Variants in DUSP1 observed in about 807,000 individuals in gnomAD.
The protein encoded by DUSP1 is dual specificity phosphatase 1, also known as dual specificity protein phosphatase 1.
Under a neutral mutation model 27.4 loss-of-function variants are expected in DUSP1, and 10 were observed. That is an observed-to-expected ratio of 0.37 (90% confidence interval 0.23 to 0.62). The LOEUF (loss-of-function observed/expected upper bound fraction) is 0.62, where lower values mean the gene tolerates loss of function less well. Among genes scored for constraint, DUSP1 ranks in the 20% least tolerant of loss-of-function variants. The pLI, the probability that DUSP1 is intolerant of heterozygous loss-of-function variation, is 0.68. For synonymous variants in DUSP1, 262 were observed against 223.6 expected (o/e 1.17, Z -1.53); for missense variants, 425 against 508.1 (o/e 0.84, Z 1.57).
chr5:172,768,554 A>G lies in DUSP1; in HGVS notation c.*208T>C, dbSNP rs1759826614. On this transcript the variant is annotated 3_prime_UTR_variant, in exon 4 of 4. Coordinates refer to ENST00000239223, the MANE Select transcript of DUSP1 (RefSeq NM_004417.4). ...TTTGTCAGATGGACTTGATGTACCC[A>G]CTATATATTGGTCCCGAATGTGCTG... is the stretch of plus-strand genomic sequence containing the variant. 7.7e-6 allele frequency: 4 copies of G among 518,176 alleles called. No individual in the cohort carries two copies. Among genetic ancestry groups the G allele is most frequent in the Non-Finnish European group, 1.2e-5 (4 of 331,108 alleles). The allele number at this position is 518,176 out of a possible 1,614,324, so 32.1% of individuals were successfully genotyped here.
In DUSP1 at chr5:172,770,157, T is replaced by C; in HGVS notation, c.513+4A>G. On this transcript the variant is annotated splice_donor_region_variant and intron_variant, in intron 2 of 3. Coordinates refer to ENST00000239223, the MANE Select transcript of DUSP1 (RefSeq NM_004417.4). ...TCTTCCCTGTGGCAGGGACACCTAC[T>C]AACCTGATCGTAGAGTGGGGTACTG... The C allele has an allele frequency of 1.3e-6, 2 of 1,573,972 alleles. No homozygotes were observed. Among genetic ancestry groups the C allele is most frequent in the South Asian group, 1.2e-5 (1 of 85,106 alleles).
At chr5:172,770,081 T>C in intron 2 of DUSP1, 80 bp downstream of exon 2, 1 of 1,510,486 alleles carries the variant, frequency 6.6e-7, no homozygotes, top group Non-Finnish European at 8.8e-7. Context: ...TGCAGGTCAC[T>C]TTCTATATTC....
At position 172,770,691 on chromosome 5, in the gene DUSP1, C is replaced by T. The variant is rs1759876761; in HGVS notation, c.262G>A (p.Glu88Lys). The T allele has an allele frequency of 5.8e-6, 8 of 1,367,562 alleles. No individual in the cohort carries two copies. The highest frequency in any genetic ancestry group is 7.5e-6 in the Non-Finnish European group (8 of 1,064,500). The allele number at this position is 1,367,562 out of a possible 1,614,324, so 84.7% of individuals were successfully genotyped here. The change falls in exon 1 of 4, where the codon GAG (glutamate) becomes AAG (lysine). Residue 88 changes from glutamate (E) to lysine (K), a missense_variant. By Grantham distance (56) the Glu-to-Lys change is moderately conservative. This residue lies in a region of DUSP1 where 282 missense variants were observed against 319.3 expected (regional missense o/e 0.88). Coordinates refer to ENST00000239223, the MANE Select transcript of DUSP1 (RefSeq NM_004417.4). Reference sequence around the variant, plus strand: ...GCGCCGTCCAGGGCGGCGCTGCGCTCGTCCAGCAACACCACGGCGTGGTAG... The same window carrying T: ...GCGCCGTCCAGGGCGGCGCTGCGCTTGTCCAGCAACACCACGGCGTGGTAG... ...GAYHAVVLLD[E>K]RSAALDGAKR...
Position 172,770,841 on chromosome 5 carries a change from C to A in DUSP1, c.112G>T (p.Gly38Cys), listed in dbSNP as rs993932679. The change falls in exon 1 of 4, where the codon GGC (glycine) becomes TGC (cysteine). Residue 38 changes from glycine to cysteine, a missense_variant. Gly to Cys is a radical substitution (Grantham distance 159). Transcript: ENST00000239223. ...ACGTTGACAGAGCCGGCGATGTGGCCGGCGTTGAAAGCGAAGAAGGAGCGG... is the reference window on the plus strand; with the variant it reads ...ACGTTGACAGAGCCGGCGATGTGGCAGGCGTTGAAAGCGAAGAAGGAGCGG... ...DCRSFFAFNA[G>C]HIAGSVNVRF... The A allele has an allele frequency of 6.5e-7, 1 of 1,529,092 alleles. No individual in the cohort carries two copies. The allele number at this position is 1,529,092 out of a possible 1,614,324, so 94.7% of individuals were successfully genotyped here.
rs1371749501 is a variant in DUSP1, at chr5:172,768,162, T to G, written c.*600A>C. ...GTCATCCTTATGTAACAAAATGTCT[T>G]CTTAGAAGAAGAAATATATTATTTC... On this transcript the variant is annotated 3_prime_UTR_variant, in exon 4 of 4. Coordinates refer to ENST00000239223, the MANE Select transcript of DUSP1 (RefSeq NM_004417.4). The G allele has an allele frequency of 6.6e-6, 1 of 152,614 alleles. No individual in the cohort carries two copies. Among genetic ancestry groups the G allele is most frequent in the African/African-American group, 2.4e-5 (1 of 41,428 alleles). The allele number at this position is 152,614 out of a possible 1,614,324, so 9.5% of individuals were successfully genotyped here.
chr5:172,768,680 C>T lies in DUSP1; in HGVS notation c.*82G>A, dbSNP rs1759828769. 3.5e-6 allele frequency: 5 copies of T among 1,440,162 alleles called. No individual in the cohort carries two copies. Among genetic ancestry groups the T allele is most frequent in the Non-Finnish European group, 4.6e-6 (5 of 1,092,726 alleles). 89.2% of individuals were successfully genotyped at this position (1,440,162 alleles called of 1,614,324 possible). A position where few individuals can be genotyped will look rare whatever the true frequency, so the allele number is the denominator to read the frequency against. ...TAAATAAGGACCAGCCCTCTCGAGC[C>T]CCTCCCAGAGTTATTGCATTTCTCC... On this transcript the variant is annotated 3_prime_UTR_variant, in exon 4 of 4. Transcript: ENST00000239223.
chr5:172,768,620 G>T lies in DUSP1; in HGVS notation c.*142C>A. On this transcript the variant is annotated 3_prime_UTR_variant, in exon 4 of 4. Transcript: ENST00000239223. Reference sequence around the variant, plus strand: ...TTGACGCTAAGTCATCACCATAACTGCTTAGAAACCCAGAGGAACTCGGGT... The same window carrying T: ...TTGACGCTAAGTCATCACCATAACTTCTTAGAAACCCAGAGGAACTCGGGT... The T allele has an allele frequency of 1.7e-6, 2 of 1,195,476 alleles. No individual in the cohort carries two copies. The highest frequency in any genetic ancestry group is 2.3e-5 in the South Asian group (1 of 43,330). The allele number at this position is 1,195,476 out of a possible 1,614,324, so 74.1% of individuals were successfully genotyped here.
In DUSP1 at chr5:172,769,787, G is replaced by A. The variant is rs748817760; in HGVS notation, c.521C>T (p.Pro174Leu). ...CSTPLYDQGG[P>L]VEILPFLYLG... ...GTACAGAAAGGGCAGGATTTCCACCGGGCCACCCTGAAATCCAGAAATATC... is the reference window on the plus strand; with the variant it reads ...GTACAGAAAGGGCAGGATTTCCACCAGGCCACCCTGAAATCCAGAAATATC... The change falls in exon 3 of 4, where the codon CCG becomes CTG. Residue 174 changes from proline to leucine, a missense_variant. Pro to Leu is a moderately conservative substitution (Grantham distance 98). This residue lies in a region of DUSP1 where 282 missense variants were observed against 319.3 expected (regional missense o/e 0.88). Transcript: ENST00000239223. 6 of 1,613,624 alleles carry A rather than the reference G, an allele frequency of 3.7e-6. No individual in the cohort carries two copies. Among genetic ancestry groups the A allele is most frequent in the South Asian group, 1.1e-5 (1 of 91,048 alleles).
Position 172,770,695 on chromosome 5 carries a change from C to T in DUSP1, c.258G>A (p.Leu86=). Residue 86 remains leucine, a synonymous_variant, in exon 1 of 4, where the codon CTG becomes CTA. Transcript: ENST00000239223. ...LAGAYHAVVL[L]DERSAALDGA... Reference sequence around the variant, plus strand: ...CGTCCAGGGCGGCGCTGCGCTCGTCCAGCAACACCACGGCGTGGTAGGCGC... The same window carrying T: ...CGTCCAGGGCGGCGCTGCGCTCGTCTAGCAACACCACGGCGTGGTAGGCGC... The T allele has an allele frequency of 1.5e-6, 2 of 1,375,370 alleles. No homozygotes were observed. Among genetic ancestry groups the T allele is most frequent in the Non-Finnish European group, 1.9e-6 (2 of 1,068,372 alleles). 85.2% of individuals were successfully genotyped at this position (1,375,370 alleles called of 1,614,324 possible). A position where few individuals can be genotyped will look rare whatever the true frequency, so the allele number is the denominator to read the frequency against.
chr5:172,770,986 T>A lies in DUSP1; in HGVS notation c.-34A>T, dbSNP rs1241152123. ...TCAGCGCCCCCAGCGTGATCGGCCC[T>A]GCGGTGCTCTTTGTCTGTTCTCGGG... On this transcript the variant is annotated 5_prime_UTR_variant, in exon 1 of 4. Transcript: ENST00000239223. The A allele has an allele frequency of 7.2e-7, 1 of 1,383,876 alleles. No homozygotes were observed. Among genetic ancestry groups the A allele is most frequent in the Admixed American group, 3.1e-5 (1 of 32,260 alleles). 85.7% of individuals were successfully genotyped at this position (1,383,876 alleles called of 1,614,324 possible). A position where few individuals can be genotyped will look rare whatever the true frequency, so the allele number is the denominator to read the frequency against.
chr5:172,769,550 A>G, intron 3 of DUSP1, 25 bp downstream of exon 3: 5 of 1,612,194 alleles, frequency 3.1e-6, no homozygotes, highest in Non-Finnish European at 4.2e-6. Flanking sequence ...AAGGCAGAAA[A>G]GCCCCAGGCA....
At chr5:172,769,175 G>C (rs1450576535) in intron 3 of DUSP1, 43 bp from the exon 4 acceptor site, 1 of 1,567,538 alleles carries the variant, frequency 6.4e-7, no homozygotes, top group South Asian at 1.2e-5. Flanking sequence ...GAGTTCAGGA[G>C]AACCACCCCA....
At position 172,770,276 on chromosome 5, in the gene DUSP1, G is replaced by C; in HGVS notation, c.398C>G (p.Pro133Arg). The change falls in exon 2 of 4, where the codon CCG becomes CGG. Residue 133 changes from proline (P) to arginine (R), a missense_variant. Coordinates refer to ENST00000239223, the MANE Select transcript of DUSP1 (RefSeq NM_004417.4). Reference sequence around the variant, plus strand: ...GGTCGACTGTTTGCTGCACAGCTCCGGGCAGGAAGCCGAAAACGCTTCGTA... The same window carrying C: ...GGTCGACTGTTTGCTGCACAGCTCCCGGCAGGAAGCCGAAAACGCTTCGTA... ...GGYEAFSASC[P>R]ELCSKQSTPM... 6.2e-7 allele frequency: 1 copy of C among 1,611,160 alleles called. No homozygotes were observed.
In DUSP1 at chr5:172,770,829, C is replaced by G; in HGVS notation, c.124G>C (p.Gly42Arg). 2 of 1,526,986 alleles carry G rather than the reference C, an allele frequency of 1.3e-6. No homozygotes were observed. Among genetic ancestry groups the G allele is most frequent in the Non-Finnish European group, 1.8e-6 (2 of 1,142,374 alleles). 94.6% of individuals were successfully genotyped at this position (1,526,986 alleles called of 1,614,324 possible). Residue 42 changes from glycine (G) to arginine (R), a missense_variant, in exon 1 of 4, where the codon GGC becomes CGC. Physicochemically the swap from Gly to Arg is moderately radical, Grantham distance 125 (BLOSUM62 -2). This residue lies in a region of DUSP1 where 282 missense variants were observed against 319.3 expected (regional missense o/e 0.88). Transcript: ENST00000239223. ...GTGCTGAAGCGCACGTTGACAGAGC[C>G]GGCGATGTGGCCGGCGTTGAAAGCG... ...FFAFNAGHIA[G>R]SVNVRFSTIV...
chr5:172,770,964 G>A lies in DUSP1; in HGVS notation c.-12C>T. On this transcript the variant is annotated 5_prime_UTR_variant, in exon 1 of 4. Coordinates refer to ENST00000239223, the MANE Select transcript of DUSP1 (RefSeq NM_004417.4). Reference sequence around the variant, plus strand: ...ACTTCCATGACCATGGCCGGCCTCAGCGCCCCCAGCGTGATCGGCCCTGCG... The same window carrying A: ...ACTTCCATGACCATGGCCGGCCTCAACGCCCCCAGCGTGATCGGCCCTGCG... The A allele has an allele frequency of 6.8e-7, 1 of 1,465,572 alleles. No individual in the cohort carries two copies. Among genetic ancestry groups the A allele is most frequent in the Non-Finnish European group, 9.0e-7 (1 of 1,111,922 alleles). 90.8% of individuals were successfully genotyped at this position (1,465,572 alleles called of 1,614,324 possible).
rs549721126 is a variant in DUSP1 at position 172,770,558 on chromosome 5, C to A, written c.367+28G>T. 23 of 1,415,678 alleles carry A rather than the reference C, an allele frequency of 1.6e-5. 1 individual carries two copies. The Admixed American group carries it at 6.9e-4, about 43-fold the overall frequency. 87.7% of individuals were successfully genotyped at this position (1,415,678 alleles called of 1,614,324 possible). A position where few individuals can be genotyped will look rare whatever the true frequency, so the allele number is the denominator to read the frequency against. ...CGGGCAAAACCTCAGGGGTGTGCGG[C>A]CCGCCCCGAGCTTCCCCGAGGGCGT... On this transcript the variant is annotated intron_variant, in intron 1 of 3. Coordinates refer to ENST00000239223, the MANE Select transcript of DUSP1 (RefSeq NM_004417.4).
At position 172,770,634 on chromosome 5, in the gene DUSP1, C is replaced by A. The variant is rs1020876628; in HGVS notation, c.319G>T (p.Gly107Cys). 5 of 1,306,202 alleles carry A rather than the reference C, an allele frequency of 3.8e-6. No individual in the cohort carries two copies. The highest frequency in any genetic ancestry group is 1.5e-5 in the African/African-American group (1 of 65,154). The allele number at this position is 1,306,202 out of a possible 1,614,324, so 80.9% of individuals were successfully genotyped here. A position where few individuals can be genotyped will look rare whatever the true frequency, so the allele number is the denominator to read the frequency against. The change falls in exon 1 of 4, where the codon GGC becomes TGC. Residue 107 changes from glycine to cysteine, a missense_variant. Gly to Cys is a radical substitution (Grantham distance 159, BLOSUM62 -3). Around this residue, in one of 3 missense-constraint regions of DUSP1, gnomAD observed 282 missense variants for 319.3 expected, o/e 0.88. Coordinates refer to ENST00000239223, the MANE Select transcript of DUSP1 (RefSeq NM_004417.4). Reference sequence around the variant, plus strand: ...GCGCGCGCCTCGCGGCAGAGCGCGCCGGCCGCCAGGGCCAGGGTGCCGTCG... The same window carrying A: ...GCGCGCGCCTCGCGGCAGAGCGCGCAGGCCGCCAGGGCCAGGGTGCCGTCG... ...KRDGTLALAAGALCREARAAQ... is the reference protein window; with the variant it reads ...KRDGTLALAACALCREARAAQ...
Position 172,768,652 on chromosome 5 carries a change from AAAT to A in DUSP1, c.*107_*109del, listed in dbSNP as rs1759828456. 4 of 1,359,730 alleles carry A rather than the reference AAAT, an allele frequency of 2.9e-6. No homozygotes were observed. The highest frequency in any genetic ancestry group is 2.9e-6 in the Non-Finnish European group (3 of 1,043,354). The allele number at this position is 1,359,730 out of a possible 1,614,324, so 84.2% of individuals were successfully genotyped here. A position where few individuals can be genotyped will look rare whatever the true frequency, so the allele number is the denominator to read the frequency against. On this transcript the variant is annotated 3_prime_UTR_variant, in exon 4 of 4. Coordinates refer to ENST00000239223, the MANE Select transcript of DUSP1 (RefSeq NM_004417.4). Reference sequence around the variant, plus strand: ...AACCCAGAGGAACTCGGGTGAAGTTAAATAAATAAGGACCAGCCCTCTCGAGCC... The same window carrying A: ...AACCCAGAGGAACTCGGGTGAAGTTAAAATAAGGACCAGCCCTCTCGAGCC...
intron 3 of DUSP1, 147 bp downstream of exon 3, chr5:172,769,428 T>G (rs1022517245): frequency 2.1e-5 from 20 of 952,292 alleles, no homozygotes; most frequent in Non-Finnish European, 2.9e-5. Flanking sequence ...CAAATTCATA[T>G]TTTACAGGAA....
Sources: allele counts gnomAD v4.1 joint callset, GRCh38; gene constraint gnomAD v4.1.1; regional missense constraint gnomAD v4.1.1; transcripts MANE v1.5; gene names NCBI Gene and HGNC (gene_info 2026-07-23, HGNC 2026-07-21).